Variants in MROH2B observed in about 807,000 individuals in gnomAD.
MROH2B encodes the protein maestro heat-like repeat-containing protein family member 2B.
In MROH2B, 177 loss-of-function variants were observed where a neutral mutation model predicts 208.6. The observed-to-expected ratio is 0.85, with a 90% CI of 0.75 to 0.96. The LOEUF (loss-of-function observed/expected upper bound fraction) is 0.96, where lower values mean the gene tolerates loss of function less well. Among genes scored for constraint, MROH2B ranks in the 40% least tolerant of loss-of-function variants. MROH2B has a pLI of 0.00. For missense variants in MROH2B, 2,002 were observed against 1,878.7 expected, an observed-to-expected ratio of 1.07 and a Z score of -1.21; for synonymous variants, 728 against 659.0, an observed-to-expected ratio of 1.10 and a Z score of -1.60.
At chr5:41,019,521 G>A (rs1742075837) in intron 24 of MROH2B, among the ~76,000 whole-genome samples, 1 of 152,186 alleles carries the variant, frequency 6.6e-6, no homozygotes, top group Non-Finnish European at 1.5e-5. Context: ...TGACAATGGA[G>A]TGTTTCTTCC....
At chr5:41,019,326 C>T (rs986860506) in intron 24 of MROH2B, among the ~76,000 whole-genome samples, 1 of 130,966 alleles carries the variant, frequency 7.6e-6, no homozygotes, top group African/African-American at 3.0e-5. Context: ...TTGTTTTCTC[C>T]ATCTTGTGTG....
At chr5:41,018,464 T>TA (rs1742030392) in intron 26 of MROH2B, 34 bp from the exon 27 acceptor site, 2 of 1,584,116 alleles carry the variant, frequency 1.3e-6, no homozygotes, top group African/African-American at 1.3e-5. Flanking sequence ...CTTTCCTTAG[T>TA]ATTCTTCATA....
chr5:41,045,310 T>C (rs561707609), intron 18 of MROH2B, among the ~76,000 whole-genome samples: 1 of 152,358 alleles, frequency 6.6e-6, no homozygotes, highest in East Asian at 1.9e-4. Flanking sequence ...TTCCTAGAAC[T>C]GGCTTTTGAG....
rs956281247 is a variant in MROH2B, at chr5:41,047,583, T to C, written c.1728+138A>G. 5 of 769,288 alleles carry C rather than the reference T, an allele frequency of 6.5e-6. No homozygotes were observed. In the African/African-American group the frequency reaches 8.8e-5, roughly 14 times the overall value. 47.7% of individuals were successfully genotyped at this position (769,288 alleles called of 1,614,324 possible). On this transcript the variant is annotated intron_variant, in intron 17 of 41. Transcript: ENST00000399564. Reference sequence around the variant, plus strand: ...AACATTATCCTTGAGTGATCACTTCTAACATTCTAATTCTTTTCCAAAGAA... The same window carrying C: ...AACATTATCCTTGAGTGATCACTTCCAACATTCTAATTCTTTTCCAAAGAA...
chr5:41,007,983 A>G (rs1364007163), intron 33 of MROH2B, among the ~76,000 whole-genome samples: 1 of 152,240 alleles, frequency 6.6e-6, no homozygotes, highest in African/African-American at 2.4e-5. Context: ...TGTTGACTAA[A>G]CGGTGTTTAA....
At chr5:41,054,896 C>A in intron 10 of MROH2B, 56 bp from the exon 11 acceptor site, 6 of 1,230,172 alleles carry the variant, frequency 4.9e-6, no homozygotes, top group South Asian at 4.3e-5. Context: ...ACAGTATGTT[C>A]TAGGATTGAT....
At chr5:41,058,242 C>G in intron 6 of MROH2B, 39 bp from the exon 7 acceptor site, 4 of 1,446,492 alleles carry the variant, frequency 2.8e-6, no homozygotes, top group Non-Finnish European at 2.8e-6. Flanking sequence ...CTGAAACTTC[C>G]TTATGTTTTT....
In MROH2B at chr5:41,070,876, A is replaced by G; in HGVS notation, c.-24T>C. On this transcript the variant is annotated 5_prime_UTR_variant, in exon 1 of 42. Transcript: ENST00000399564. ...ATGTCTTGGCTGTTTCAGGGTCTCTAAAAGATAGCACCTAAGTATTAGAAA... is the reference window on the plus strand; with the variant it reads ...ATGTCTTGGCTGTTTCAGGGTCTCTGAAAGATAGCACCTAAGTATTAGAAA... 1 of 1,608,378 alleles carries G rather than the reference A, an allele frequency of 6.2e-7. No individual in the cohort carries two copies. The highest frequency in any genetic ancestry group is 1.1e-5 in the South Asian group (1 of 90,002).
At chr5:41,010,584 C>T (rs1275781849) in intron 30 of MROH2B, among the ~76,000 whole-genome samples, 3 of 152,048 alleles carry the variant, frequency 2.0e-5, no homozygotes, top group Non-Finnish European at 4.4e-5. Context: ...GCATCCTTGT[C>T]AGAAAGAAGA....
rs2111818837 is a variant in MROH2B, at chr5:41,007,306, C to T, written c.3749+8G>A. On this transcript the variant is annotated splice_region_variant and intron_variant, in intron 34 of 41. Transcript: ENST00000399564. ...TTTGTATCTGGTTCTAGAAAAAGTG[C>T]ACATTACCTGGCCAGTGAACATACG... The T allele has an allele frequency of 7.3e-7, 1 of 1,368,994 alleles. No individual in the cohort carries two copies. Among genetic ancestry groups the T allele is most frequent in the Non-Finnish European group, 9.5e-7 (1 of 1,050,958 alleles). 84.8% of individuals were successfully genotyped at this position (1,368,994 alleles called of 1,614,324 possible). A position where few individuals can be genotyped will look rare whatever the true frequency, so the allele number is the denominator to read the frequency against.
intron 24 of MROH2B, among the ~76,000 whole-genome samples, chr5:41,027,104 A>G (rs553506559): frequency 6.6e-6 from 1 of 152,216 alleles, no homozygotes; most frequent in Non-Finnish European, 1.5e-5. Flanking sequence ...AACCTAGGCC[A>G]TAACATTCAG....
chr5:41,018,306 G>A (rs1341638266), intron 27 of MROH2B, 35 bp downstream of exon 27: 3 of 1,576,466 alleles, frequency 1.9e-6, no homozygotes, highest in Non-Finnish European at 2.6e-6. Context: ...CTGTTCACAA[G>A]CAATAAAGTC....
At position 41,004,485 on chromosome 5, in the gene MROH2B, C is replaced by T. The variant is rs185290551; in HGVS notation, c.4055G>A (p.Gly1352Asp). The change falls in exon 37 of 42, where the codon GGC (glycine) becomes GAC (aspartate). Residue 1352 changes from glycine (G) to aspartate (D), a missense_variant. Transcript: ENST00000399564. ...KQLMLESIIR[G>D]LYHLARTEVV... ...TTCAGTGCGAGCTAGGTGATACAGG[C>T]CTCTGATGATAGATTCTAGCATTAA... is the stretch of plus-strand genomic sequence containing the variant. The T allele has an allele frequency of 1.4e-5, 23 of 1,613,324 alleles. No individual in the cohort carries two copies. The highest frequency in any genetic ancestry group is 1.9e-5 in the Non-Finnish European group (22 of 1,179,756).
At chr5:41,059,574 A>G (rs1403793254) in intron 6 of MROH2B, among the ~76,000 whole-genome samples, 1 of 152,204 alleles carries the variant, frequency 6.6e-6, no homozygotes, top group Non-Finnish European at 1.5e-5. Flanking sequence ...ATTAAATACT[A>G]TGTATTAGCT....
At chr5:41,048,125 A>T in intron 16 of MROH2B, 199 bp downstream of exon 16, 1 of 566,446 alleles carries the variant, frequency 1.8e-6, no homozygotes, top group Non-Finnish European at 2.9e-6. Context: ...GTTACCTACT[A>T]GGTCTTCTTG....
At chr5:41,070,713 G>T in intron 1 of MROH2B, 112 bp downstream of exon 1, 1 of 1,044,030 alleles carries the variant, frequency 9.6e-7, no homozygotes, top group Middle Eastern at 2.0e-4. Context: ...CCTTTGAGGT[G>T]TACAGTCCTC....
At chr5:41,029,818 G>C (rs891716253) in intron 24 of MROH2B, among the ~76,000 whole-genome samples, 2 of 152,004 alleles carry the variant, frequency 1.3e-5, no homozygotes, top group Non-Finnish European at 1.5e-5. Flanking sequence ...GAGGGAGTGA[G>C]AGTGAGGAGT....
chr5:41,042,813 G>T (rs941088642), intron 18 of MROH2B, among the ~76,000 whole-genome samples: 1 of 151,984 alleles, frequency 6.6e-6, no homozygotes, highest in Non-Finnish European at 1.5e-5. Flanking sequence ...CCATGTTGGC[G>T]AGGCTGATCT....
At chr5:41,018,658 A>G in intron 26 of MROH2B, 33 bp downstream of exon 26, 1 of 1,605,248 alleles carries the variant, frequency 6.2e-7, no homozygotes, top group Non-Finnish European at 8.5e-7. Flanking sequence ...ATTAGGGAGA[A>G]TGAGAATCAG....
Sources: allele counts gnomAD v4.1 joint callset (sites outside exome capture counted in the v4.1 genomes callset), GRCh38; gene constraint gnomAD v4.1.1; transcripts MANE v1.5; gene names NCBI Gene and HGNC (gene_info 2026-07-23, HGNC 2026-07-21).